The following CDIN1 variants were observed in gnomAD, a reference collection of about 807,000 sequenced individuals.
CDIN1 encodes the protein CDAN1-interacting nuclease 1.
CDIN1 carries 33 observed loss-of-function variants against 45.3 expected under a neutral mutation model. The observed-to-expected ratio is 0.73, with a 90% CI of 0.55 to 0.97. The LOEUF is 0.97. CDIN1 is among the 50% of genes least tolerant of loss of function. The probability of loss-of-function intolerance (pLI) is 0.00; values close to 1 mark genes in which losing one functional copy is unlikely to be tolerated. For synonymous variants in CDIN1, 118 were observed against 124.4 expected (o/e 0.95, Z 0.34); for missense variants, 303 against 339.4 (o/e 0.89, Z 0.84).
chr15:36,693,095 G>A (rs1021232647), intron 7 of CDIN1, among the ~76,000 whole-genome samples: 3 of 152,146 alleles, frequency 2.0e-5, no homozygotes, highest in Non-Finnish European at 4.4e-5. Context: ...GCTTTTTGTT[G>A]GAAACTCCTG....
intron 10 of CDIN1, among the ~76,000 whole-genome samples, chr15:36,797,412 T>C (rs1233235664): frequency 6.6e-6 from 1 of 152,194 alleles, no homozygotes; most frequent in African/African-American, 2.4e-5. Context: ...AAGAGCCACC[T>C]GTGTGCAGCA....
At chr15:36,798,434 A>C (rs2054894285) in intron 10 of CDIN1, among the ~76,000 whole-genome samples, 1 of 152,154 alleles carries the variant, frequency 6.6e-6, no homozygotes, top group African/African-American at 2.4e-5. Context: ...GATTTTCCTT[A>C]TCATTAAATA....
chr15:36,793,430 T>C (rs553413472), intron 10 of CDIN1, among the ~76,000 whole-genome samples: 2 of 152,280 alleles, frequency 1.3e-5, no homozygotes, highest in Non-Finnish European at 1.5e-5. Flanking sequence ...TCCCGTGTTA[T>C]CTTAAGCAAG....
chr15:36,642,158 G>A (rs2040136569), intron 1 of CDIN1, among the ~76,000 whole-genome samples: 1 of 152,112 alleles, frequency 6.6e-6, no homozygotes, highest in African/African-American at 2.4e-5. Context: ...TAACACGTTG[G>A]AAGAAAGTAC....
intron 10 of CDIN1, among the ~76,000 whole-genome samples, chr15:36,792,035 T>G (rs907897798): frequency 6.6e-6 from 1 of 152,192 alleles, no homozygotes; most frequent in African/African-American, 2.4e-5. Flanking sequence ...TCTAACCTCA[T>G]GCAATAGCTT....
intron 5 of CDIN1, among the ~76,000 whole-genome samples, chr15:36,680,931 A>C (rs1008754527): frequency 1.2e-4 from 18 of 152,224 alleles, no homozygotes; most frequent in African/African-American, 4.1e-4. Flanking sequence ...CTACGTTGTC[A>C]TGGTTAATTC....
chr15:36,600,308 G>C (rs541833397), intron 1 of CDIN1, among the ~76,000 whole-genome samples: 1 of 152,316 alleles, frequency 6.6e-6, no homozygotes, highest in Admixed American at 6.5e-5. Context: ...GCCCTGTGTG[G>C]AGTCCCAGAA....
At chr15:36,752,621 G>A (rs575763644) in intron 10 of CDIN1, among the ~76,000 whole-genome samples, 1 of 152,304 alleles carries the variant, frequency 6.6e-6, no homozygotes, top group South Asian at 2.1e-4. Flanking sequence ...TTTCAGAACT[G>A]TGTGACTGAA....
chr15:36,800,555 A>G (rs1237164412), intron 10 of CDIN1, among the ~76,000 whole-genome samples: 1 of 152,126 alleles, frequency 6.6e-6, no homozygotes, highest in East Asian at 1.9e-4. Context: ...CTCTGTCTGG[A>G]TATACATACA....
chr15:36,764,214 G>GTTTTTT (rs11297312), intron 10 of CDIN1, among the ~76,000 whole-genome samples: 19 of 116,250 alleles, frequency 1.6e-4, no homozygotes, highest in African/African-American at 3.9e-4. Context: ...TGTGGTTTTG[G>GTTTTTT]TTTTTTTTTT....
Position 36,810,105 on chromosome 15 carries a change from C to T in CDIN1, c.*1652C>T, listed in dbSNP as rs2055349605. ...AGCAGGTTTCCTGGCATGTTCTAAA[C>T]TGTTTTTTCTTTAGGAATAAATTAC... is the stretch of plus-strand genomic sequence containing the variant. On this transcript the variant is annotated 3_prime_UTR_variant, in exon 11 of 11. Coordinates refer to ENST00000566621, the MANE Select transcript of CDIN1 (RefSeq NM_001321759.2). 1 of 152,062 alleles carries T rather than the reference C, an allele frequency of 6.6e-6. No individual in the cohort carries two copies. The highest frequency in any genetic ancestry group is 1.5e-5 in the Non-Finnish European group (1 of 68,002). The allele number at this position is 152,062 out of a possible 1,614,324, so 9.4% of individuals were successfully genotyped here.
In CDIN1 at chr15:36,645,230, T is replaced by G. The variant is rs1229501258; in HGVS notation, c.155T>G (p.Ile52Ser). Reference sequence around the variant, plus strand: ...TTGTTTTTTTTCTTTCAGAAACACATTAAAAGAACACATGCCAAACATCAT... The same window carrying G: ...TTGTTTTTTTTCTTTCAGAAACACAGTAAAAGAACACATGCCAAACATCAT... ...SIFSQEYQKHIKRTHAKHHTS... is the reference protein window; with the variant it reads ...SIFSQEYQKHSKRTHAKHHTS... The change falls in exon 3 of 11, where the codon ATT becomes AGT. Residue 52 changes from isoleucine (I) to serine (S), a missense_variant. Transcript: ENST00000566621. The G allele has an allele frequency of 4.5e-6, 7 of 1,551,834 alleles. No individual in the cohort carries two copies. The highest frequency in any genetic ancestry group is 6.1e-6 in the Non-Finnish European group (7 of 1,146,930).
chr15:36,747,062 A>C (rs185637265), intron 10 of CDIN1: 110 of 396,764 alleles, frequency 2.8e-4, no homozygotes, highest in Admixed American at 1.7e-3. Flanking sequence ...AATCTTTATG[A>C]AATGTGTTTG....
intron 8 of CDIN1, 149 bp from the exon 9 acceptor site, chr15:36,709,074 A>T: frequency 2.0e-6 from 1 of 500,842 alleles, no homozygotes; most frequent in Non-Finnish European, 3.3e-6. Context: ...CAGAAAGTTC[A>T]TTATTTCTGA....
chr15:36,691,083 A>G (rs2042232575), intron 5 of CDIN1: 1 of 500,382 alleles, frequency 2.0e-6, no homozygotes, highest in African/African-American at 2.0e-5. Flanking sequence ...TATTTTCCTT[A>G]TTTAAGATTC....
At chr15:36,677,510 A>T (rs1223907246) in intron 5 of CDIN1, among the ~76,000 whole-genome samples, 1 of 152,138 alleles carries the variant, frequency 6.6e-6, no homozygotes, top group Non-Finnish European at 1.5e-5. Context: ...GCCTCAATCT[A>T]CTTCCATGTG....
chr15:36,760,200 T>C (rs1474571424), intron 10 of CDIN1, among the ~76,000 whole-genome samples: 1 of 152,142 alleles, frequency 6.6e-6, no homozygotes, highest in Non-Finnish European at 1.5e-5. Context: ...GAGGTCAACA[T>C]AAATAGCACT....
chr15:36,706,243 A>G (rs1481764247), intron 8 of CDIN1: 2 of 152,226 alleles, frequency 1.3e-5, no homozygotes, highest in Non-Finnish European at 2.9e-5. Context: ...CCACCCAACA[A>G]TGGCACCAGG....
intron 1 of CDIN1, among the ~76,000 whole-genome samples, chr15:36,591,214 A>G (rs1395451309): frequency 6.6e-6 from 1 of 152,190 alleles, no homozygotes; most frequent in African/African-American, 2.4e-5. Flanking sequence ...ATTACACATG[A>G]AGTTAGACTG....
Sources: gnomAD v4.1 joint callset for allele counts (sites outside exome capture counted in the v4.1 genomes callset) on GRCh38, gnomAD v4.1.1 for gene constraint, MANE v1.5 for transcripts, NCBI Gene and HGNC (gene_info 2026-07-23, HGNC 2026-07-21) for gene names.